PKHD1: variants seen among roughly 807,000 people sequenced by gnomAD.
PKHD1 encodes PKHD1 ciliary IPT domain containing fibrocystin/polyductin.
In PKHD1, 291 loss-of-function variants were observed where a neutral mutation model predicts 412.0. That is an observed-to-expected ratio of 0.71 (90% CI 0.64 to 0.78). The LOEUF (loss-of-function observed/expected upper bound fraction) is 0.78. PKHD1 is among the 30% of genes least tolerant of loss of function. PKHD1 has a pLI of 0.00. For synonymous variants in PKHD1, 1,777 were observed against 1,821.5 expected, an observed-to-expected ratio of 0.98 and a Z score of 0.62; for missense variants, 4,825 against 4,950.7, an observed-to-expected ratio of 0.97 and a Z score of 0.76.
chr6:52,033,845 T>C (rs536721575), intron 28 of PKHD1, among the ~76,000 whole-genome samples: 1 of 152,160 alleles, frequency 6.6e-6, no homozygotes, highest in East Asian at 1.9e-4. Context: ...GAAAGACATG[T>C]TAGCCAGGCA....
chr6:51,833,481 A>G (rs887470511), intron 51 of PKHD1, among the ~76,000 whole-genome samples: 3 of 152,150 alleles, frequency 2.0e-5, no homozygotes, highest in Admixed American at 2.0e-4. Flanking sequence ...CTATATGACT[A>G]TTATTGACAA....
At chr6:51,694,126 T>C (rs984710585) in intron 60 of PKHD1, among the ~76,000 whole-genome samples, 1 of 152,162 alleles carries the variant, frequency 6.6e-6, no homozygotes, top group African/African-American at 2.4e-5. Context: ...TAATTAATAT[T>C]CTTGCTGTTA....
intron 61 of PKHD1, among the ~76,000 whole-genome samples, chr6:51,657,487 A>G (rs1772070334): frequency 6.6e-6 from 1 of 152,158 alleles, no homozygotes; most frequent in African/African-American, 2.4e-5. Context: ...AATGTCTTTT[A>G]AAATGCTAAA....
intron 35 of PKHD1, among the ~76,000 whole-genome samples, chr6:51,983,089 C>T (rs1795777063): frequency 6.6e-6 from 1 of 151,944 alleles, no homozygotes; most frequent in Admixed American, 6.6e-5. Context: ...AAGTCCAAGT[C>T]GTTGTCAAAT....
At chr6:51,976,220 G>A in intron 35 of PKHD1, among the ~76,000 whole-genome samples, 1 of 152,170 alleles carries the variant, frequency 6.6e-6, no homozygotes, top group East Asian at 1.9e-4. Flanking sequence ...ATTTACAATA[G>A]CCAAAAGGTG....
At chr6:52,015,159 C>T (rs2128126210) in intron 34 of PKHD1, among the ~76,000 whole-genome samples, 1 of 152,264 alleles carries the variant, frequency 6.6e-6, no homozygotes, top group Middle Eastern at 3.4e-3. Flanking sequence ...AAATATTTCC[C>T]TGTCTGGTTA....
At chr6:52,024,438 T>G (rs966369060) in intron 32 of PKHD1, 136 bp downstream of exon 32, 18 of 820,364 alleles carry the variant, frequency 2.2e-5, no homozygotes, top group Non-Finnish European at 3.3e-5. Flanking sequence ...AGGAAGGAAT[T>G]GGGATTGTAA....
intron 49 of PKHD1, among the ~76,000 whole-genome samples, chr6:51,854,243 G>A (rs1408374599): frequency 2.6e-5 from 4 of 151,704 alleles, no homozygotes; most frequent in African/African-American, 9.7e-5. Flanking sequence ...CATCTGATTT[G>A]CTCCCATGCC....
chr6:51,728,821 T>C (rs1782893145), intron 60 of PKHD1, among the ~76,000 whole-genome samples: 1 of 152,326 alleles, frequency 6.6e-6, no homozygotes, highest in South Asian at 2.1e-4. Flanking sequence ...AAAACCAGGA[T>C]GTCATGCTCA....
At position 52,043,012 on chromosome 6, in the gene PKHD1, C is replaced by G. The variant is rs780549287; in HGVS notation, c.2944G>C (p.Val982Leu). Residue 982 changes from valine (V) to leucine (L), a missense_variant, in exon 27 of 67, where the codon GTC becomes CTC. Coordinates refer to ENST00000371117, the MANE Select transcript of PKHD1 (RefSeq NM_138694.4). ...KVIFSNQTNV[V>L]CQTDLLPVGM... ...ACAGGTAGCAAATCTGTCTGACAGA[C>G]TACATTGGTCTGGTTTGAGAAAATA... 6.2e-7 allele frequency: 1 copy of G among 1,613,960 alleles called. No homozygotes were observed. Among genetic ancestry groups the G allele is most frequent in the Non-Finnish European group, 8.5e-7 (1 of 1,179,938 alleles).
intron 63 of PKHD1, among the ~76,000 whole-genome samples, chr6:51,640,460 T>C (rs934435021): frequency 1.3e-5 from 2 of 152,180 alleles, no homozygotes; most frequent in African/African-American, 4.8e-5. Flanking sequence ...CTAAGTATAG[T>C]ACATTACTCC....
intron 34 of PKHD1, among the ~76,000 whole-genome samples, chr6:52,014,891 A>G (rs1031081048): frequency 6.6e-6 from 1 of 152,192 alleles, no homozygotes; most frequent in African/African-American, 2.4e-5. Flanking sequence ...AATGACATCA[A>G]ACCCCATAGA....
At chr6:51,700,482 T>C (rs1184330246) in intron 60 of PKHD1, among the ~76,000 whole-genome samples, 1 of 151,984 alleles carries the variant, frequency 6.6e-6, no homozygotes, top group African/African-American at 2.4e-5. Flanking sequence ...ATTTTCATTC[T>C]CTAATTCCTC....
intron 52 of PKHD1, among the ~76,000 whole-genome samples, chr6:51,796,816 G>GT (rs1304967667): frequency 3.0e-5 from 3 of 98,980 alleles, no homozygotes; most frequent in Admixed American, 1.2e-4. Flanking sequence ...GTTTTGAATA[G>GT]ATTTTTTTTT....
At chr6:52,011,264 G>T (rs1470476535) in intron 34 of PKHD1, among the ~76,000 whole-genome samples, 2 of 152,114 alleles carry the variant, frequency 1.3e-5, no homozygotes, top group East Asian at 3.8e-4. Context: ...TCCTCAACAG[G>T]TGTGATATTT....
Position 51,746,780 on chromosome 6 carries a change from C to T in PKHD1, c.9939G>A (p.Arg3313=). 6.2e-7 allele frequency: 1 copy of T among 1,611,634 alleles called. No individual in the cohort carries two copies. The highest frequency in any genetic ancestry group is 8.5e-7 in the Non-Finnish European group (1 of 1,177,954). Residue 3313 remains arginine (R), a synonymous_variant, in exon 59 of 67, where the codon AGG becomes AGA. Transcript: ENST00000371117. The part of the protein sequence containing the change: ...SGIMHPITAE[R]TRMLKIKDKN... ...TATCTTTTATCTTTAGCATCCTGGT[C>T]CTCTCTGCTGTTATTGGGTGCATAA...
At chr6:51,899,627 C>T (rs978033091) in intron 43 of PKHD1, among the ~76,000 whole-genome samples, 1 of 151,218 alleles carries the variant, frequency 6.6e-6, no homozygotes, top group Non-Finnish European at 1.5e-5. Flanking sequence ...TGCCCTCTCT[C>T]ACCACTCCTA....
intron 35 of PKHD1, among the ~76,000 whole-genome samples, chr6:51,963,330 G>C (rs1208955325): frequency 1.3e-5 from 2 of 152,046 alleles, no homozygotes; most frequent in Non-Finnish European, 1.5e-5. Flanking sequence ...GAATACAGAT[G>C]TTTAAGCATT....
chr6:51,890,166 A>G (rs1427165099), intron 43 of PKHD1, among the ~76,000 whole-genome samples: 2 of 152,180 alleles, frequency 1.3e-5, no homozygotes, highest in East Asian at 3.8e-4. Context: ...TTTCATAGCA[A>G]AGAAACTGAA....
Sources: allele counts gnomAD v4.1 joint callset (sites outside exome capture counted in the v4.1 genomes callset), GRCh38; gene constraint gnomAD v4.1.1; transcripts MANE v1.5; gene names NCBI Gene and HGNC (gene_info 2026-07-23, HGNC 2026-07-21).